The following ANKRD29 variants were observed in gnomAD, a reference collection of about 807,000 sequenced individuals.
ANKRD29 encodes the protein ankyrin repeat domain 29.
Under a neutral mutation model 38.0 loss-of-function variants are expected in ANKRD29, and 32 were observed. That is an observed-to-expected ratio of 0.84 (90% CI 0.64 to 1.13). The LOEUF is 1.13. Ranked by LOEUF, ANKRD29 falls within the 50% of genes most tolerant of loss-of-function variation. ANKRD29 has a pLI of 0.00. For synonymous variants in ANKRD29, 135 were observed against 152.4 expected, an observed-to-expected ratio of 0.89 and a Z score of 0.84; for missense variants, 357 against 377.9, an observed-to-expected ratio of 0.94 and a Z score of 0.46.
intron 8 of ANKRD29, among the ~76,000 whole-genome samples, chr18:23,616,579 T>C (rs2059723182): frequency 8.6e-6 from 1 of 116,166 alleles, no homozygotes; most frequent in South Asian, 2.4e-4. Context: ...ATATATACAG[T>C]ATATATATAT....
chr18:23,641,700 C>T (rs1490656610), intron 3 of ANKRD29, among the ~76,000 whole-genome samples: 1 of 152,226 alleles, frequency 6.6e-6, no homozygotes, highest in Non-Finnish European at 1.5e-5. Context: ...GACCAATCAG[C>T]ACACACTCCC....
chr18:23,623,062 A>G (rs750543762), intron 6 of ANKRD29, among the ~76,000 whole-genome samples: 1 of 152,242 alleles, frequency 6.6e-6, no homozygotes, highest in Non-Finnish European at 1.5e-5. Flanking sequence ...GAGAAAACAT[A>G]TACAAAGGTG....
chr18:23,650,012 G>GC (rs2060190912), intron 1 of ANKRD29, among the ~76,000 whole-genome samples: 2 of 152,216 alleles, frequency 1.3e-5, no homozygotes, highest in South Asian at 4.1e-4. Flanking sequence ...ACAGGTGTGA[G>GC]CCACCGTGCC....
rs539793601 is a variant in ANKRD29 at position 23,649,609 on chromosome 18, TC to T, written c.22-417del. 293 of 471,078 alleles carry T rather than the reference TC, an allele frequency of 6.2e-4. 1 individual carries two copies. Among genetic ancestry groups the T allele is most frequent in the African/African-American group, 5.2e-3 (263 of 50,802 alleles). 29.2% of individuals were successfully genotyped at this position (471,078 alleles called of 1,614,324 possible). A position where few individuals can be genotyped will look rare whatever the true frequency, so the allele number is the denominator to read the frequency against. ...TCACCTCTAAGTGGGGCAAAATTTC[TC>T]CCAATTCTGACCTCTCAAAAGAGTT... is the stretch of plus-strand genomic sequence containing the variant. On this transcript the variant is annotated intron_variant, in intron 1 of 9. Transcript: ENST00000592179.
chr18:23,649,584 T>G, intron 1 of ANKRD29: 1 of 479,226 alleles, frequency 2.1e-6, no homozygotes. Context: ...AAATCTTTCC[T>G]CACCTCTAAG....
intron 2 of ANKRD29, chr18:23,648,601 C>T (rs2060169656): frequency 3.5e-6 from 1 of 282,266 alleles, no homozygotes; most frequent in Admixed American, 5.2e-5. Flanking sequence ...ATTTTTGTTT[C>T]CCTTTTTAAA....
chr18:23,605,735 C>T (rs2059567754), intron 9 of ANKRD29, among the ~76,000 whole-genome samples: 1 of 151,982 alleles, frequency 6.6e-6, no homozygotes. Flanking sequence ...CCATGTTGGC[C>T]AGGCTAGTCT....
intron 9 of ANKRD29, among the ~76,000 whole-genome samples, chr18:23,606,505 C>T (rs1480386649): frequency 6.6e-6 from 1 of 152,002 alleles, no homozygotes; most frequent in East Asian, 1.9e-4. Flanking sequence ...GAGAGGGGGT[C>T]TTGCTATATT....
Position 23,608,356 on chromosome 18 carries a change from G to A in ANKRD29, c.822+3736C>T, listed in dbSNP as rs1279827661. On this transcript the variant is annotated intron_variant, in intron 9 of 9. Coordinates refer to ENST00000592179, the MANE Select transcript of ANKRD29 (RefSeq NM_173505.4). ...GTAGGAAGCTGGGGACTTCCCTGGC[G>A]GCTCCTCCCAGGTGTCTGAGGGCTT... is the stretch of plus-strand genomic sequence containing the variant. Among the ~76,000 whole-genome samples the A allele has an allele frequency of 9.9e-5, 15 of 152,230 alleles. No homozygotes were observed. In the East Asian group the frequency reaches 2.1e-3, roughly 22 times the overall value.
chr18:23,618,002 T>C (rs780988832), intron 7 of ANKRD29, among the ~76,000 whole-genome samples, 175 bp from the exon 8 acceptor site: 1 of 152,184 alleles, frequency 6.6e-6, no homozygotes, highest in Non-Finnish European at 1.5e-5. Context: ...AGCAGTAAAT[T>C]CTGCATGAAA....
At chr18:23,635,425 C>T (rs2059990419) in intron 4 of ANKRD29, among the ~76,000 whole-genome samples, 1 of 152,148 alleles carries the variant, frequency 6.6e-6, no homozygotes, top group Non-Finnish European at 1.5e-5. Context: ...CTACCAACCA[C>T]ATCACACTGC....
Position 23,600,599 on chromosome 18 carries a change from G to A in ANKRD29, c.*627C>T, listed in dbSNP as rs538455675. 1 of 152,722 alleles carries A rather than the reference G, an allele frequency of 6.5e-6. No individual in the cohort carries two copies. The highest frequency in any genetic ancestry group is 1.9e-4 in the East Asian group (1 of 5,184). 9.5% of individuals were successfully genotyped at this position (152,722 alleles called of 1,614,324 possible). A position where few individuals can be genotyped will look rare whatever the true frequency, so the allele number is the denominator to read the frequency against. ...GGATCAACGAACAAATGCACAGTCT[G>A]TCTTTTCTATAGTTCAATAGTCCAT... On this transcript the variant is annotated 3_prime_UTR_variant, in exon 10 of 10. Transcript: ENST00000592179.
chr18:23,617,669 A>C, intron 8 of ANKRD29, 63 bp downstream of exon 8: 1 of 1,413,952 alleles, frequency 7.1e-7, no homozygotes, highest in Non-Finnish European at 1.0e-6. Flanking sequence ...CACAGTCCCC[A>C]AGTGAGGACT....
At chr18:23,626,581 G>T (rs764485119) in intron 6 of ANKRD29, among the ~76,000 whole-genome samples, 1 of 152,194 alleles carries the variant, frequency 6.6e-6, no homozygotes, top group African/African-American at 2.4e-5. Context: ...TGTGACTCTT[G>T]ACCTTTTGGC....
chr18:23,646,384 A>C, intron 2 of ANKRD29, 97 bp from the exon 3 acceptor site: 1 of 1,083,116 alleles, frequency 9.2e-7, no homozygotes, highest in Non-Finnish European at 1.3e-6. Flanking sequence ...TCCACTCAGA[A>C]CACATCCAAG....
At chr18:23,654,330 A>G (rs2060250740) in intron 1 of ANKRD29, among the ~76,000 whole-genome samples, 1 of 151,058 alleles carries the variant, frequency 6.6e-6, no homozygotes, top group African/African-American at 2.4e-5. Context: ...AAATAAATCC[A>G]AGTCTGGACT....
At chr18:23,657,370 C>T (rs905853149) in intron 1 of ANKRD29, among the ~76,000 whole-genome samples, 13 of 152,224 alleles carry the variant, frequency 8.5e-5, no homozygotes, top group Non-Finnish European at 1.8e-4. Flanking sequence ...CCTCAACTCC[C>T]TGAGAAATTC....
In ANKRD29 at chr18:23,641,292, G is replaced by A. The variant is rs559883894; in HGVS notation, c.232-2345C>T. Among the ~76,000 whole-genome samples the A allele has an allele frequency of 3.2e-4, 48 of 152,296 alleles. 2 individuals are homozygous for A. The highest frequency in any genetic ancestry group is 1.1e-3 in the African/African-American group (44 of 41,570). On this transcript the variant is annotated intron_variant, in intron 3 of 9. Transcript: ENST00000592179. Reference sequence around the variant, plus strand: ...AGCAGCCATGCCCAGCTGCAGCTCCGGTTCTGGGCATCCCTGTGCTCTCTG... The same window carrying A: ...AGCAGCCATGCCCAGCTGCAGCTCCAGTTCTGGGCATCCCTGTGCTCTCTG...
chr18:23,622,188 G>A (rs2059805061), intron 6 of ANKRD29, among the ~76,000 whole-genome samples: 1 of 152,150 alleles, frequency 6.6e-6, no homozygotes, highest in African/African-American at 2.4e-5. Flanking sequence ...CTAGGTGTGA[G>A]AAAGGGGAAG....
Sources: allele counts gnomAD v4.1 joint callset (sites outside exome capture counted in the v4.1 genomes callset), GRCh38; gene constraint gnomAD v4.1.1; transcripts MANE v1.5; gene names NCBI Gene and HGNC (gene_info 2026-07-23, HGNC 2026-07-21).